The following PTPRM variants were observed in gnomAD, a reference collection of about 807,000 sequenced individuals.
PTPRM encodes protein tyrosine phosphatase receptor type M.
In PTPRM, 47 loss-of-function variants were observed where a neutral mutation model predicts 186.7. The observed-to-expected ratio is 0.25, with a 90% CI of 0.20 to 0.32. The LOEUF (loss-of-function observed/expected upper bound fraction) is 0.32, where lower values mean the gene tolerates loss of function less well. Ranked by LOEUF, PTPRM falls within the 10% of genes least tolerant of loss-of-function variation. The pLI, the probability that PTPRM is intolerant of heterozygous loss-of-function variation, is 1.00. For synonymous variants in PTPRM, 668 were observed against 674.9 expected (o/e 0.99, Z 0.16); for missense variants, 1,494 against 1,865.0 (o/e 0.80, Z 3.66).
intron 19 of PTPRM, among the ~76,000 whole-genome samples, chr18:8,264,793 A>G (rs2147537851): frequency 7.9e-6 from 1 of 126,510 alleles, no homozygotes; most frequent in African/African-American, 2.7e-5. Flanking sequence ...AAAAAAAAAA[A>G]GAGTACACAC....
intron 22 of PTPRM, among the ~76,000 whole-genome samples, chr18:8,333,852 C>G (rs2095424606): frequency 6.6e-6 from 1 of 152,156 alleles, no homozygotes; most frequent in Non-Finnish European, 1.5e-5. Flanking sequence ...AGTGTGTACC[C>G]CCACCCACCA....
intron 11 of PTPRM, among the ~76,000 whole-genome samples, chr18:8,092,748 TGAG>T (rs1260054097): frequency 2.0e-5 from 3 of 152,102 alleles, no homozygotes; most frequent in African/African-American, 4.8e-5. Flanking sequence ...AAGGATCACT[TGAG>T]GCCAGGAGTT....
intron 31 of PTPRM, 122 bp downstream of exon 31, chr18:8,387,357 G>C (rs1177003918): frequency 2.8e-5 from 29 of 1,019,092 alleles, no homozygotes; most frequent in Non-Finnish European, 4.1e-5. Context: ...CTAGGTGAAG[G>C]GGTGATCATG....
intron 14 of PTPRM, among the ~76,000 whole-genome samples, chr18:8,167,909 T>TA: frequency 6.6e-6 from 1 of 152,358 alleles, no homozygotes; most frequent in South Asian, 2.1e-4. Context: ...AGTGGCATGT[T>TA]AAGCCTTTAT....
chr18:7,676,686 T>TGC lies in PTPRM; in HGVS notation c.74-97462_74-97461insCG, dbSNP rs1289221294. Among the ~76,000 whole-genome samples the TGC allele has an allele frequency of 3.0e-3, 433 of 145,216 alleles. 2 individuals are homozygous for TGC. The highest frequency in any genetic ancestry group is 0.011 in the African/African-American group (404 of 37,656). ...GTATGTGTGTGTGTGTGTGTGTGTG[T>TGC]GTGCGCGTGCACGCGCACGCGCATG... On this transcript the variant is annotated intron_variant, in intron 1 of 32. Transcript: ENST00000580170.
intron 2 of PTPRM, among the ~76,000 whole-genome samples, chr18:7,882,725 T>A (rs2048572223): frequency 6.6e-6 from 1 of 152,218 alleles, no homozygotes; most frequent in South Asian, 2.1e-4. Flanking sequence ...AATATTCTTT[T>A]GTTGTTGTTG....
At chr18:7,830,711 G>A (rs896215765) in intron 2 of PTPRM, among the ~76,000 whole-genome samples, 1 of 152,180 alleles carries the variant, frequency 6.6e-6, no homozygotes, top group African/African-American at 2.4e-5. Flanking sequence ...AAAGCCCACT[G>A]AAGCTGCCAA....
Position 8,085,769 on chromosome 18 carries a change from T to C in PTPRM, c.1650T>C (p.Phe550=). The C allele has an allele frequency of 2.5e-6, 4 of 1,613,394 alleles. No individual in the cohort carries two copies. The highest frequency in any genetic ancestry group is 2.5e-6 in the Non-Finnish European group (3 of 1,179,476). The change falls in exon 10 of 33, where the codon TTT becomes TTC. Residue 550 remains phenylalanine (F), a synonymous_variant. Transcript: ENST00000580170. ...TGGGAAATGAAACCCATTTTCTGTT[T>C]TTTGGACTGTATCCGGGGACCACAT... ...SKLGNETHFL[F]FGLYPGTTYS... is the part of the protein sequence containing the mutation.
At chr18:7,890,636 A>T (rs141160762) in intron 3 of PTPRM, among the ~76,000 whole-genome samples, 1 of 152,190 alleles carries the variant, frequency 6.6e-6, no homozygotes, top group Non-Finnish European at 1.5e-5. Flanking sequence ...AAAAATTTAG[A>T]TATGCTTAAA....
chr18:7,910,922 T>A (rs927762639), intron 4 of PTPRM, among the ~76,000 whole-genome samples: 9 of 152,118 alleles, frequency 5.9e-5, no homozygotes, highest in Non-Finnish European at 1.2e-4. Flanking sequence ...TAGACCCTAT[T>A]CTCCCGACTT....
intron 7 of PTPRM, among the ~76,000 whole-genome samples, chr18:8,040,432 C>T (rs950554052): frequency 2.6e-5 from 4 of 151,946 alleles, no homozygotes; most frequent in Non-Finnish European, 1.5e-5. Context: ...TGTGTCAAAT[C>T]GAAGCTGATT....
chr18:8,012,027 C>T (rs2084561612), intron 7 of PTPRM, among the ~76,000 whole-genome samples: 1 of 152,164 alleles, frequency 6.6e-6, no homozygotes, highest in Non-Finnish European at 1.5e-5. Context: ...TTTGTTGCCA[C>T]CGTGGTTTCC....
intron 14 of PTPRM, among the ~76,000 whole-genome samples, chr18:8,232,505 ATGT>A (rs1483332243): frequency 6.6e-6 from 1 of 152,210 alleles, no homozygotes; most frequent in Non-Finnish European, 1.5e-5. Flanking sequence ...GAATATGTTA[ATGT>A]TGTAGGAAAC....
chr18:7,885,232 A>G (rs1427700807), intron 2 of PTPRM, among the ~76,000 whole-genome samples: 1 of 152,036 alleles, frequency 6.6e-6, no homozygotes, highest in African/African-American at 2.4e-5. Flanking sequence ...TAAAAATATC[A>G]TCTGAGGTTT....
chr18:7,625,096 G>A (rs1010223984), intron 1 of PTPRM, among the ~76,000 whole-genome samples: 5 of 152,144 alleles, frequency 3.3e-5, no homozygotes, highest in African/African-American at 1.2e-4. Context: ...TAGTGGTCAG[G>A]GAGCGTATAT....
At chr18:7,613,094 C>T (rs1024976231) in intron 1 of PTPRM, among the ~76,000 whole-genome samples, 2 of 152,150 alleles carry the variant, frequency 1.3e-5, no homozygotes, top group Non-Finnish European at 2.9e-5. Context: ...GGGCAGATAT[C>T]ACCCCATGTG....
intron 19 of PTPRM, among the ~76,000 whole-genome samples, chr18:8,266,591 A>G (rs1207896987): frequency 6.6e-6 from 1 of 152,196 alleles, no homozygotes; most frequent in Non-Finnish European, 1.5e-5. Context: ...TCTGAAATAA[A>G]GTACTTTTAT....
At chr18:8,240,715 G>T (rs2094418412) in intron 14 of PTPRM, among the ~76,000 whole-genome samples, 1 of 135,156 alleles carries the variant, frequency 7.4e-6, no homozygotes, top group Non-Finnish European at 1.6e-5. Flanking sequence ...AAGAAGGAAA[G>T]AAGAGAAAGA....
intron 19 of PTPRM, among the ~76,000 whole-genome samples, chr18:8,261,285 T>G (rs2094628596): frequency 6.6e-6 from 1 of 152,132 alleles, no homozygotes. Context: ...GCACTGTAAA[T>G]GCATTAAGAA....
Sources: gnomAD v4.1 joint callset for allele counts (sites outside exome capture counted in the v4.1 genomes callset) on GRCh38, gnomAD v4.1.1 for gene constraint, MANE v1.5 for transcripts, NCBI Gene and HGNC (gene_info 2026-07-23, HGNC 2026-07-21) for gene names.